RAB6B: variants seen among roughly 807,000 people sequenced by gnomAD.
RAB6B encodes ras-related protein Rab-6B.
In RAB6B, 7 loss-of-function variants were observed where a neutral mutation model predicts 31.2. The ratio of observed to expected loss-of-function variants is 0.22; its 90% CI spans 0.13 to 0.42. The LOEUF (loss-of-function observed/expected upper bound fraction) is 0.42. Ranked by LOEUF, RAB6B falls within the 10% of genes least tolerant of loss-of-function variation. The pLI is 1.00. For synonymous variants in RAB6B, 105 were observed against 104.9 expected, an observed-to-expected ratio of 1.00 and a Z score of -0.01; for missense variants, 149 against 280.6, an observed-to-expected ratio of 0.53 and a Z score of 3.35.
At chr3:133,832,732 TG>T (rs1935673358) in intron 7 of RAB6B, among the ~76,000 whole-genome samples, 1 of 152,142 alleles carries the variant, frequency 6.6e-6, no homozygotes, top group South Asian at 2.1e-4. Flanking sequence ...AGTGAAAGGA[TG>T]GGGGTACATC....
chr3:133,878,742 G>T (rs1023799266), intron 1 of RAB6B, among the ~76,000 whole-genome samples: 57 of 152,162 alleles, frequency 3.7e-4, no homozygotes, highest in African/African-American at 1.3e-3. Context: ...AGAAATATCT[G>T]CTACCCTGTC....
chr3:133,834,495 T>C lies in RAB6B; in HGVS notation c.562+80A>G, dbSNP rs1935703400. On this transcript the variant is annotated intron_variant, in intron 7 of 7. Transcript: ENST00000285208. ...AGGCTGGGCGGGGACTGGGCGAGTGTCTGTCCACTGCACTAACATATTCAG... is the reference window on the plus strand; with the variant it reads ...AGGCTGGGCGGGGACTGGGCGAGTGCCTGTCCACTGCACTAACATATTCAG... 4 of 1,456,948 alleles carry C rather than the reference T, an allele frequency of 2.7e-6. No individual in the cohort carries two copies. In the South Asian group the frequency reaches 3.4e-5, roughly 12 times the overall value. 90.3% of individuals were successfully genotyped at this position (1,456,948 alleles called of 1,614,324 possible).
intron 2 of RAB6B, among the ~76,000 whole-genome samples, chr3:133,857,538 T>TC (rs1405885068): frequency 6.6e-6 from 1 of 150,408 alleles, no homozygotes; most frequent in Non-Finnish European, 1.5e-5. Flanking sequence ...CTGTCCCATC[T>TC]CCCCCAGGTG....
intron 1 of RAB6B, among the ~76,000 whole-genome samples, chr3:133,887,688 A>G (rs1291659445): frequency 2.0e-5 from 3 of 152,204 alleles, no homozygotes; most frequent in African/African-American, 4.8e-5. Flanking sequence ...ACAGCCAGCC[A>G]GTGACAGACC....
chr3:133,850,182 C>A (rs1935957985), intron 2 of RAB6B, among the ~76,000 whole-genome samples: 1 of 152,156 alleles, frequency 6.6e-6, no homozygotes, highest in South Asian at 2.1e-4. Flanking sequence ...CTTTCAGTTG[C>A]TGCCTACCAC....
chr3:133,830,551 C>T (rs1306024527), intron 7 of RAB6B, among the ~76,000 whole-genome samples: 1 of 152,094 alleles, frequency 6.6e-6, no homozygotes, highest in Non-Finnish European at 1.5e-5. Context: ...CCCCCACACC[C>T]AGCCTTCCTC....
At chr3:133,867,078 G>C (rs1435701150) in intron 1 of RAB6B, among the ~76,000 whole-genome samples, 2 of 152,214 alleles carry the variant, frequency 1.3e-5, no homozygotes. Flanking sequence ...GGAAATCCCT[G>C]CAACACCTTC....
chr3:133,876,380 G>C (rs1348034693), intron 1 of RAB6B, among the ~76,000 whole-genome samples: 1 of 152,252 alleles, frequency 6.6e-6, no homozygotes, highest in East Asian at 1.9e-4. Flanking sequence ...CCCTCCCAAG[G>C]ATTCTATGAA....
intron 5 of RAB6B, among the ~76,000 whole-genome samples, chr3:133,838,615 A>T (rs1935777188): frequency 6.6e-6 from 1 of 152,118 alleles, no homozygotes; most frequent in Non-Finnish European, 1.5e-5. Flanking sequence ...TCTGGGTGGT[A>T]TTATCAGTCG....
chr3:133,834,618 A>G lies in RAB6B; in HGVS notation c.519T>C (p.Ala173=). The change falls in exon 7 of 8, where the codon GCT becomes GCC. Residue 173 remains alanine (A), a synonymous_variant. Coordinates refer to ENST00000285208, the MANE Select transcript of RAB6B (RefSeq NM_016577.4). ...VKQLFRRVAS[A]LPGMENVQEK... ...CCTGGACATTCTCCATTCCGGGTAG[A>G]GCCGACGCCACACGTCGAAAAAGCT... 3 of 1,614,146 alleles carry G rather than the reference A, an allele frequency of 1.9e-6. No homozygotes were observed. Among genetic ancestry groups the G allele is most frequent in the Non-Finnish European group, 2.5e-6 (3 of 1,179,994 alleles).
At chr3:133,836,738 G>A (rs975142831) in intron 6 of RAB6B, among the ~76,000 whole-genome samples, 2 of 152,110 alleles carry the variant, frequency 1.3e-5, no homozygotes, top group African/African-American at 4.8e-5. Flanking sequence ...GGAGCAGGAA[G>A]GACCATGACA....
intron 1 of RAB6B, among the ~76,000 whole-genome samples, chr3:133,875,295 A>G (rs1936378678): frequency 6.6e-6 from 1 of 152,068 alleles, no homozygotes; most frequent in African/African-American, 2.4e-5. Context: ...TGCATGTGTT[A>G]AGAATACTTA....
At position 133,826,798 on chromosome 3, in the gene RAB6B, T is replaced by C. The variant is rs1018984839; in HGVS notation, c.*1990A>G. On this transcript the variant is annotated 3_prime_UTR_variant, in exon 8 of 8. Coordinates refer to ENST00000285208, the MANE Select transcript of RAB6B (RefSeq NM_016577.4). ...ATTAAGTATTTCTTATTTCAACACG[T>C]TGCAGTACTTTTGAATTTCCAAAAC... The C allele has an allele frequency of 5.2e-5, 8 of 152,704 alleles. No homozygotes were observed. Among genetic ancestry groups the C allele is most frequent in the East Asian group, 1.9e-4 (1 of 5,206 alleles). The allele number at this position is 152,704 out of a possible 1,614,324, so 9.5% of individuals were successfully genotyped here. A position where few individuals can be genotyped will look rare whatever the true frequency, so the allele number is the denominator to read the frequency against.
At chr3:133,872,056 T>G (rs544098418) in intron 1 of RAB6B, among the ~76,000 whole-genome samples, 1 of 152,112 alleles carries the variant, frequency 6.6e-6, no homozygotes, top group African/African-American at 2.4e-5. Flanking sequence ...GATGCCTGTG[T>G]TTTCAGGAAA....
chr3:133,831,620 G>A (rs937683073), intron 7 of RAB6B, among the ~76,000 whole-genome samples: 2 of 152,298 alleles, frequency 1.3e-5, no homozygotes, highest in East Asian at 3.9e-4. Context: ...GGGGCTGCCC[G>A]CTGATTGAGA....
chr3:133,876,767 G>A (rs1936403003), intron 1 of RAB6B, among the ~76,000 whole-genome samples: 1 of 152,128 alleles, frequency 6.6e-6, no homozygotes. Flanking sequence ...AAATTTTGTT[G>A]CCACTTGGAG....
In RAB6B at chr3:133,828,225, G is replaced by T; in HGVS notation, c.*563C>A. ...AAGAGTCAGAGCTACCTTTTCAGAG[G>T]CTGATGTGTTCAACCAATGTTTGAT... On this transcript the variant is annotated 3_prime_UTR_variant, in exon 8 of 8. Coordinates refer to ENST00000285208, the MANE Select transcript of RAB6B (RefSeq NM_016577.4). 1 of 545,906 alleles carries T rather than the reference G, an allele frequency of 1.8e-6. No individual in the cohort carries two copies. The highest frequency in any genetic ancestry group is 2.2e-5 in the South Asian group (1 of 44,512). 33.8% of individuals were successfully genotyped at this position (545,906 alleles called of 1,614,324 possible).
chr3:133,843,096 C>T (rs953805984), intron 2 of RAB6B, among the ~76,000 whole-genome samples: 4 of 152,226 alleles, frequency 2.6e-5, no homozygotes, highest in African/African-American at 9.6e-5. Flanking sequence ...GACTGGCTTG[C>T]ACCCTCCTGG....
chr3:133,855,813 C>T (rs2107998870), intron 2 of RAB6B, among the ~76,000 whole-genome samples: 1 of 152,336 alleles, frequency 6.6e-6, no homozygotes, highest in East Asian at 1.9e-4. Context: ...CCACCCAGCA[C>T]CCATTGGCAA....
Sources: gnomAD v4.1 joint callset for allele counts (sites outside exome capture counted in the v4.1 genomes callset) on GRCh38, gnomAD v4.1.1 for gene constraint, MANE v1.5 for transcripts, NCBI Gene and HGNC (gene_info 2026-07-23, HGNC 2026-07-21) for gene names.